The following EXT1 variants were observed in gnomAD, a reference collection of about 807,000 sequenced individuals.
EXT1 encodes the protein exostosin glycosyltransferase 1.
A neutral mutation model predicts 82.5 loss-of-function variants in EXT1; 20 were observed. The observed-to-expected ratio is 0.24, with a 90% confidence interval of 0.17 to 0.35. The LOEUF is 0.35. Ranked by LOEUF, EXT1 falls within the 10% of genes least tolerant of loss-of-function variation. EXT1 has a pLI of 1.00. For synonymous variants in EXT1, 348 were observed against 350.8 expected, an observed-to-expected ratio of 0.99 and a Z score of 0.09; for missense variants, 757 against 936.5, an observed-to-expected ratio of 0.81 and a Z score of 2.50.
chr8:117,963,733 G>C (rs1034367054), intron 1 of EXT1, among the ~76,000 whole-genome samples: 3 of 152,056 alleles, frequency 2.0e-5, no homozygotes, highest in Non-Finnish European at 2.9e-5. Flanking sequence ...CAGGTAATCT[G>C]CCCACCTCTG....
Position 117,829,522 on chromosome 8 carries a change from T to C in EXT1, c.1284+708A>G, listed in dbSNP as rs866811446. Among the ~76,000 whole-genome samples the C allele has an allele frequency of 4.0e-5, 6 of 151,776 alleles. No homozygotes were observed. In the South Asian group the frequency reaches 8.3e-4, roughly 21 times the overall value. On this transcript the variant is annotated intron_variant, in intron 4 of 10. Coordinates refer to ENST00000378204, the MANE Select transcript of EXT1 (RefSeq NM_000127.3). Reference sequence around the variant, plus strand: ...GTGCCCAGAAAACTACTCATATTTTTGGAATGGTAGAGGATTTGCCCTTAC... The same window carrying C: ...GTGCCCAGAAAACTACTCATATTTTCGGAATGGTAGAGGATTTGCCCTTAC...
chr8:117,859,846 A>G (rs1181708618), intron 1 of EXT1, among the ~76,000 whole-genome samples: 1 of 152,152 alleles, frequency 6.6e-6, no homozygotes, highest in Non-Finnish European at 1.5e-5. Flanking sequence ...AGCCATGCAC[A>G]CACATAGAAT....
Position 118,013,137 on chromosome 8 carries a change from G to A in EXT1, c.962+96948C>T, listed in dbSNP as rs113243362. Among the ~76,000 whole-genome samples, 187 of 151,902 alleles carry A rather than the reference G, an allele frequency of 1.2e-3. 1 individual carries two copies. Among genetic ancestry groups the A allele is most frequent in the African/African-American group, 4.5e-3 (185 of 41,442 alleles). ...GCACCTCAACATCCCAGGCTCAGGC[G>A]ATCCTCCCACCTCATCCTCTCTAGT... On this transcript the variant is annotated intron_variant, in intron 1 of 10. Coordinates refer to ENST00000378204, the MANE Select transcript of EXT1 (RefSeq NM_000127.3).
At chr8:118,033,457 A>G (rs1816368464) in intron 1 of EXT1, among the ~76,000 whole-genome samples, 2 of 152,192 alleles carry the variant, frequency 1.3e-5, no homozygotes, top group Admixed American at 6.5e-5. Flanking sequence ...AACTATTCCT[A>G]AAGATTCAGT....
chr8:117,807,794 T>C (rs1184899946), intron 8 of EXT1, among the ~76,000 whole-genome samples: 1 of 151,658 alleles, frequency 6.6e-6, no homozygotes, highest in Non-Finnish European at 1.5e-5. Flanking sequence ...ACAACATATA[T>C]CATACCCAGC....
At chr8:118,100,118 C>T (rs1817691870) in intron 1 of EXT1, among the ~76,000 whole-genome samples, 1 of 152,152 alleles carries the variant, frequency 6.6e-6, no homozygotes, top group African/African-American at 2.4e-5. Flanking sequence ...CTCCTCCAGG[C>T]CCTGGACGAG....
At chr8:118,008,272 T>TTTTA (rs1482395450) in intron 1 of EXT1, among the ~76,000 whole-genome samples, 3 of 152,156 alleles carry the variant, frequency 2.0e-5, no homozygotes, top group African/African-American at 7.2e-5. Flanking sequence ...TTTGTTTTTT[T>TTTTA]ATTTGAGACA....
intron 1 of EXT1, among the ~76,000 whole-genome samples, chr8:117,846,997 G>T (rs968751526): frequency 2.6e-5 from 4 of 152,130 alleles, no homozygotes; most frequent in Non-Finnish European, 5.9e-5. Flanking sequence ...TGCTCACTCT[G>T]TATTAAGTTG....
At chr8:117,816,684 A>G (rs980673674) in intron 7 of EXT1, among the ~76,000 whole-genome samples, 1 of 152,244 alleles carries the variant, frequency 6.6e-6, no homozygotes, top group Non-Finnish European at 1.5e-5. Flanking sequence ...TTTTATAAAG[A>G]AAGAAACGGG....
rs527380931 is a variant in EXT1, at chr8:118,046,811, G to C, written c.962+63274C>G. Among the ~76,000 whole-genome samples the C allele has an allele frequency of 2.6e-5, 4 of 152,248 alleles. No individual in the cohort carries two copies. In the South Asian group the frequency reaches 8.3e-4, roughly 32 times the overall value. On this transcript the variant is annotated intron_variant, in intron 1 of 10. Coordinates refer to ENST00000378204, the MANE Select transcript of EXT1 (RefSeq NM_000127.3). ...AGTCCCTCCTCCAGGAAGTATAATG[G>C]AAGAATGAAAAAGAAAAGATCGTGC... is the stretch of plus-strand genomic sequence containing the variant.
chr8:117,978,396 C>T (rs969732493), intron 1 of EXT1, among the ~76,000 whole-genome samples: 1 of 152,182 alleles, frequency 6.6e-6, no homozygotes, highest in Non-Finnish European at 1.5e-5. Flanking sequence ...CATCCTCCAT[C>T]TGCAGGCTTT....
At chr8:117,889,177 A>T (rs1269347193) in intron 1 of EXT1, among the ~76,000 whole-genome samples, 1 of 152,198 alleles carries the variant, frequency 6.6e-6, no homozygotes, top group Non-Finnish European at 1.5e-5. Context: ...GGAGCAACAA[A>T]GCAGAAGGAG....
intron 1 of EXT1, among the ~76,000 whole-genome samples, chr8:117,947,285 T>C (rs1057352423): frequency 9.2e-5 from 14 of 152,208 alleles, no homozygotes; most frequent in Admixed American, 4.6e-4. Flanking sequence ...ATAAATTATA[T>C]ATACTTGACA....
chr8:117,984,501 C>T (rs1377803336), intron 1 of EXT1, among the ~76,000 whole-genome samples: 1 of 150,732 alleles, frequency 6.6e-6, no homozygotes, highest in Non-Finnish European at 1.5e-5. Context: ...AATTAAGGAA[C>T]GCCTCCCTCA....
At chr8:117,857,408 C>A (rs549498362) in intron 1 of EXT1, among the ~76,000 whole-genome samples, 50 of 152,176 alleles carry the variant, frequency 3.3e-4, no homozygotes, top group African/African-American at 1.1e-3. Context: ...AAAAATTCAG[C>A]CAGACTAGGC....
At chr8:117,883,174 A>G (rs1227014391) in intron 1 of EXT1, among the ~76,000 whole-genome samples, 1 of 152,240 alleles carries the variant, frequency 6.6e-6, no homozygotes, top group African/African-American at 2.4e-5. Flanking sequence ...AGCACACCCC[A>G]GAGGTATAAG....
intron 1 of EXT1, among the ~76,000 whole-genome samples, chr8:118,032,353 G>A (rs1166074543): frequency 6.6e-6 from 1 of 151,818 alleles, no homozygotes; most frequent in Non-Finnish European, 1.5e-5. Flanking sequence ...GCTCCACAGA[G>A]TCCCCCAGGG....
At chr8:117,941,660 C>T (rs1170000328) in intron 1 of EXT1, among the ~76,000 whole-genome samples, 1 of 152,220 alleles carries the variant, frequency 6.6e-6, no homozygotes, top group Non-Finnish European at 1.5e-5. Flanking sequence ...CAGAAGAGCT[C>T]TGTTCATATA....
At chr8:117,953,241 T>G (rs1177568093) in intron 1 of EXT1, among the ~76,000 whole-genome samples, 1 of 151,594 alleles carries the variant, frequency 6.6e-6, no homozygotes, top group Non-Finnish European at 1.5e-5. Context: ...TATATATACA[T>G]ATATCTGCTA....
Sources: gnomAD v4.1 joint callset for allele counts (sites outside exome capture counted in the v4.1 genomes callset) on GRCh38, gnomAD v4.1.1 for gene constraint, MANE v1.5 for transcripts, NCBI Gene and HGNC (gene_info 2026-07-23, HGNC 2026-07-21) for gene names.